Variants in CCDC174 observed in about 807,000 individuals in gnomAD.
CCDC174 encodes coiled-coil domain containing 174, also known as coiled-coil domain-containing protein 174.
In CCDC174, 37 loss-of-function variants were observed where a neutral mutation model predicts 57.1. The ratio of observed to expected loss-of-function variants is 0.65; its 90% confidence interval spans 0.50 to 0.85. CCDC174 has a LOEUF of 0.85. CCDC174 is among the 40% of genes least tolerant of loss of function. CCDC174 has a pLI of 0.00. For missense variants in CCDC174, 540 were observed against 574.3 expected, an observed-to-expected ratio of 0.94 and a Z score of 0.61; for synonymous variants, 182 against 190.2, an observed-to-expected ratio of 0.96 and a Z score of 0.35.
In CCDC174 at chr3:14,666,831, C is replaced by T. The variant is rs776701189; in HGVS notation, c.608C>T (p.Thr203Ile). The part of the protein sequence containing the change: ...RLFISPANEK[T>I]LLSEDMRKEL... ...TTTATTAGTCCTGCTAATGAAAAAA[C>T]CCTATTATCTGAAGATATGAGAAAA... Residue 203 changes from threonine (T) to isoleucine (I), a missense_variant, in exon 7 of 11, where the codon ACC (threonine) becomes ATC (isoleucine). Coordinates refer to ENST00000383794, the MANE Select transcript of CCDC174 (RefSeq NM_016474.5). 4 of 1,587,928 alleles carry T rather than the reference C, an allele frequency of 2.5e-6. No homozygotes were observed. Among genetic ancestry groups the T allele is most frequent in the Non-Finnish European group, 3.4e-6 (4 of 1,173,516 alleles).
chr3:14,652,029 C>T (rs2030786221), intron 1 of CCDC174, 151 bp downstream of exon 1: 1 of 794,796 alleles, frequency 1.3e-6, no homozygotes, highest in Non-Finnish European at 2.1e-6. Context: ...TTTTCTTCTC[C>T]GGCGGGGATC....
rs1301306054 is a variant in CCDC174, at chr3:14,665,133, T to G, written c.581+10T>G. 6.3e-7 allele frequency: 1 copy of G among 1,592,246 alleles called. No individual in the cohort carries two copies. Among genetic ancestry groups the G allele is most frequent in the East Asian group, 2.2e-5 (1 of 44,788 alleles). ...ATCTTCAGGGGAGACTGTAAGTGTGTGTGGTATACAGAGCTCTGCCAAGGT... is the reference window on the plus strand; with the variant it reads ...ATCTTCAGGGGAGACTGTAAGTGTGGGTGGTATACAGAGCTCTGCCAAGGT... On this transcript the variant is annotated intron_variant, in intron 6 of 10. Coordinates refer to ENST00000383794, the MANE Select transcript of CCDC174 (RefSeq NM_016474.5).
chr3:14,667,286 C>A, intron 7 of CCDC174, 138 bp from the exon 8 acceptor site: 1 of 722,592 alleles, frequency 1.4e-6, no homozygotes, highest in South Asian at 1.9e-5. Flanking sequence ...TGTTTCTTCG[C>A]TTAGCTGTTT....
intron 1 of CCDC174, among the ~76,000 whole-genome samples, chr3:14,652,332 G>T (rs1227212037): frequency 2.6e-5 from 4 of 152,172 alleles, no homozygotes; most frequent in African/African-American, 9.7e-5. Flanking sequence ...CGCAGGACCC[G>T]AAAGTGTCCA....
In CCDC174 at chr3:14,671,373, T is replaced by G. The variant is rs1428399902; in HGVS notation, c.*179T>G. 2 of 609,502 alleles carry G rather than the reference T, an allele frequency of 3.3e-6. No homozygotes were observed. The highest frequency in any genetic ancestry group is 5.7e-6 in the Non-Finnish European group (2 of 350,516). 37.8% of individuals were successfully genotyped at this position (609,502 alleles called of 1,614,324 possible). A position where few individuals can be genotyped will look rare whatever the true frequency, so the allele number is the denominator to read the frequency against. On this transcript the variant is annotated 3_prime_UTR_variant, in exon 11 of 11. Transcript: ENST00000383794. ...ATGGAAACTTTGGCCACTTGGCTGT[T>G]CATTTTATTCTAAGTGGGATAGGGA...
intron 3 of CCDC174, among the ~76,000 whole-genome samples, 155 bp downstream of exon 3, chr3:14,655,784 G>T (rs549464173): frequency 6.6e-6 from 1 of 152,252 alleles, no homozygotes; most frequent in Admixed American, 6.5e-5. Context: ...ATAATTTGCA[G>T]ATATATCTGT....
chr3:14,661,400 G>A, intron 4 of CCDC174, 130 bp from the exon 5 acceptor site: 1 of 690,400 alleles, frequency 1.4e-6, no homozygotes, highest in Non-Finnish European at 2.5e-6. Flanking sequence ...TAAACATTTG[G>A]GGAGTGGAGG....
intron 9 of CCDC174, among the ~76,000 whole-genome samples, chr3:14,669,400 C>T (rs956040508): frequency 6.6e-6 from 1 of 152,346 alleles, no homozygotes; most frequent in Admixed American, 6.5e-5. Context: ...GAACATCTGT[C>T]ATGTCCAGAA....
At position 14,666,930 on chromosome 3, in the gene CCDC174, A is replaced by T; in HGVS notation, c.707A>T (p.Glu236Val). 1 of 1,581,778 alleles carries T rather than the reference A, an allele frequency of 6.3e-7. No homozygotes were observed. The highest frequency in any genetic ancestry group is 8.5e-7 in the Non-Finnish European group (1 of 1,171,092). ...LKRPMGPVHYEDIRENEARQL... is the reference protein window; with the variant it reads ...LKRPMGPVHYVDIRENEARQL... ...AGGCCCATGGGGCCCGTACATTATGAAGACATTCGGGAAAATGGTATGACT... is the reference window on the plus strand; with the variant it reads ...AGGCCCATGGGGCCCGTACATTATGTAGACATTCGGGAAAATGGTATGACT... The change falls in exon 7 of 11, where the codon GAA (glutamate) becomes GTA (valine). Residue 236 changes from glutamate to valine, a missense_variant. Transcript: ENST00000383794.
chr3:14,669,884 AT>A, intron 9 of CCDC174, 49 bp from the exon 10 acceptor site: 1 of 1,587,438 alleles, frequency 6.3e-7, no homozygotes, highest in Non-Finnish European at 8.6e-7. Context: ...ATTTTTAAAA[AT>A]AGCTTTAGGC....
At chr3:14,667,583 C>A in intron 8 of CCDC174, 65 bp downstream of exon 8, 1 of 1,203,620 alleles carries the variant, frequency 8.3e-7, no homozygotes, top group South Asian at 1.3e-5. Flanking sequence ...CTGGACCATA[C>A]TGCAGAAAAA....
In CCDC174 at chr3:14,672,454, C is replaced by T. The variant is rs562746133; in HGVS notation, c.*1260C>T. On this transcript the variant is annotated 3_prime_UTR_variant, in exon 11 of 11. Coordinates refer to ENST00000383794, the MANE Select transcript of CCDC174 (RefSeq NM_016474.5). ...AGACTTAAACACAATTGATGTCTAA[C>T]CCCTAGACAGTCTTTTTAGTGCCCT... 5 of 152,302 alleles carry T rather than the reference C, an allele frequency of 3.3e-5. No individual in the cohort carries two copies. Among genetic ancestry groups the T allele is most frequent in the East Asian group, 3.9e-4 (2 of 5,178 alleles). 9.4% of individuals were successfully genotyped at this position (152,302 alleles called of 1,614,324 possible).
chr3:14,670,138 G>T (rs779956655), intron 10 of CCDC174, 52 bp downstream of exon 10: 16 of 1,553,538 alleles, frequency 1.0e-5, no homozygotes, highest in South Asian at 9.7e-5. Flanking sequence ...ATGGAAAATG[G>T]TTTTTTTTCT....
At chr3:14,670,211 C>G (rs965676290) in intron 10 of CCDC174, 125 bp downstream of exon 10, 1 of 928,656 alleles carries the variant, frequency 1.1e-6, no homozygotes, top group African/African-American at 1.7e-5. Context: ...CTTTGGAATG[C>G]CATTTCTCAG....
chr3:14,668,733 G>T (rs1448071633), intron 9 of CCDC174, among the ~76,000 whole-genome samples: 1 of 152,162 alleles, frequency 6.6e-6, no homozygotes, highest in African/African-American at 2.4e-5. Context: ...AGGCTAAATT[G>T]CCATCAATCT....
In CCDC174 at chr3:14,654,454, G is replaced by A. The variant is rs201187132; in HGVS notation, c.71G>A (p.Arg24Gln). ...SLVDLKAELF[R>Q]KQEEFKQEKL... ...GTAGATCTTAAGGCTGAACTCTTCC[G>A]AAAGCAAGAAGAATTCAAACAAGAA... is the stretch of plus-strand genomic sequence containing the variant. Residue 24 changes from arginine to glutamine, a missense_variant, in exon 2 of 11, where the codon CGA (arginine) becomes CAA (glutamine). By Grantham distance (43) the Arg-to-Gln change is conservative. Transcript: ENST00000383794. 3.7e-5 allele frequency: 60 copies of A among 1,605,802 alleles called. No homozygotes were observed. The highest frequency in any genetic ancestry group is 1.0e-4 in the Admixed American group (6 of 58,692).
At chr3:14,656,013 C>T (rs1463806521) in intron 3 of CCDC174, among the ~76,000 whole-genome samples, 1 of 152,114 alleles carries the variant, frequency 6.6e-6, no homozygotes, top group Non-Finnish European at 1.5e-5. Context: ...TATTCTTCAC[C>T]TAAATTCCCC....
At chr3:14,660,010 A>T (rs2031077447) in intron 4 of CCDC174, among the ~76,000 whole-genome samples, 1 of 152,174 alleles carries the variant, frequency 6.6e-6, no homozygotes, top group Non-Finnish European at 1.5e-5. Context: ...TTCTTCCCAG[A>T]CAGCAGGGGC....
chr3:14,658,636 A>G (rs1381295755), intron 3 of CCDC174, among the ~76,000 whole-genome samples: 2 of 152,216 alleles, frequency 1.3e-5, no homozygotes, highest in African/African-American at 2.4e-5. Flanking sequence ...GGACCAAGTA[A>G]TAAATAAGAG....
Sources: allele counts gnomAD v4.1 joint callset (sites outside exome capture counted in the v4.1 genomes callset), GRCh38; gene constraint gnomAD v4.1.1; transcripts MANE v1.5; gene names NCBI Gene and HGNC (gene_info 2026-07-23, HGNC 2026-07-21).